The following DLGAP2 variants were observed in gnomAD, a reference collection of about 807,000 sequenced individuals.
The protein encoded by DLGAP2 is disks large-associated protein 2.
In DLGAP2, 26 loss-of-function variants were observed where a neutral mutation model predicts 100.3. The ratio of observed to expected loss-of-function variants is 0.26; its 90% CI spans 0.19 to 0.36. The LOEUF (loss-of-function observed/expected upper bound fraction) is 0.36, where lower values mean the gene tolerates loss of function less well. Among genes scored for constraint, DLGAP2 ranks in the 10% least tolerant of loss-of-function variants. The pLI, the probability that DLGAP2 is intolerant of heterozygous loss-of-function variation, is 1.00. For synonymous variants in DLGAP2, 886 were observed against 630.1 expected, an observed-to-expected ratio of 1.41 and a Z score of -6.08; for missense variants, 1,858 against 1,453.2, an observed-to-expected ratio of 1.28 and a Z score of -4.53.
At chr8:1,295,506 T>C (rs1324871674) in intron 3 of DLGAP2, among the ~76,000 whole-genome samples, 1 of 152,116 alleles carries the variant, frequency 6.6e-6, no homozygotes, top group Non-Finnish European at 1.5e-5. Flanking sequence ...TCCACCGTGA[T>C]CTGCTGGAGC....
At chr8:965,518 C>T (rs1196900215) in intron 2 of DLGAP2, among the ~76,000 whole-genome samples, 1 of 136,614 alleles carries the variant, frequency 7.3e-6, no homozygotes, top group Non-Finnish European at 1.6e-5. Context: ...AGTCTGACCC[C>T]TGCGCTGCAC....
At chr8:1,433,403 G>C (rs1021163882) in intron 3 of DLGAP2, among the ~76,000 whole-genome samples, 2 of 152,316 alleles carry the variant, frequency 1.3e-5, no homozygotes, top group South Asian at 4.1e-4. Context: ...CACCCGCTGC[G>C]GTGGCCAGGC....
intron 8 of DLGAP2, among the ~76,000 whole-genome samples, chr8:1,651,079 C>T (rs888682969): frequency 5.3e-5 from 8 of 152,112 alleles, no homozygotes; most frequent in Admixed American, 3.9e-4. Flanking sequence ...CTAACAGATA[C>T]GTGTATGCAC....
intron 2 of DLGAP2, among the ~76,000 whole-genome samples, chr8:1,022,525 G>A (rs1243830929): frequency 1.3e-4 from 16 of 122,474 alleles, no homozygotes; most frequent in South Asian, 1.1e-3. Context: ...CACTCCAGCC[G>A]CCACCCATCC....
At chr8:1,689,456 A>G (rs1799200583) in intron 12 of DLGAP2, among the ~76,000 whole-genome samples, 1 of 152,192 alleles carries the variant, frequency 6.6e-6, no homozygotes, top group African/African-American at 2.4e-5. Flanking sequence ...AAGGGGGCAA[A>G]TCTCCAGGAT....
intron 3 of DLGAP2, among the ~76,000 whole-genome samples, chr8:1,465,509 T>C (rs116776311): frequency 0.012 from 1,868 of 152,156 alleles, 48 homozygotes; most frequent in African/African-American, 0.043. Flanking sequence ...TTTGGTGGTT[T>C]ATTATAAAGG....
intron 2 of DLGAP2, among the ~76,000 whole-genome samples, chr8:1,164,695 G>T (rs564677925): frequency 6.6e-6 from 1 of 152,148 alleles, no homozygotes; most frequent in East Asian, 1.9e-4. Context: ...GATCTCCATC[G>T]TCAGTTCTGT....
intron 3 of DLGAP2, among the ~76,000 whole-genome samples, chr8:1,388,474 C>T (rs1796272324): frequency 1.6e-5 from 1 of 61,700 alleles, no homozygotes; most frequent in African/African-American, 7.7e-5. Flanking sequence ...TGAGGAAGCG[C>T]TGGTTCAAGT....
chr8:1,353,857 A>T (rs980989926), intron 3 of DLGAP2, among the ~76,000 whole-genome samples: 1 of 152,264 alleles, frequency 6.6e-6, no homozygotes, highest in South Asian at 2.1e-4. Context: ...TCTCAAATCA[A>T]TATGAAAAAT....
intron 6 of DLGAP2, among the ~76,000 whole-genome samples, chr8:1,567,588 G>A (rs750008029): frequency 5.3e-5 from 8 of 152,110 alleles, no homozygotes; most frequent in Non-Finnish European, 1.0e-4. Flanking sequence ...ACTGCCACGG[G>A]TCCCCCAGGA....
intron 1 of DLGAP2, among the ~76,000 whole-genome samples, chr8:903,451 C>A (rs978432923): frequency 2.0e-5 from 3 of 152,088 alleles, no homozygotes; most frequent in Non-Finnish European, 4.4e-5. Flanking sequence ...CCACAACAGG[C>A]CTGTGTATTT....
chr8:1,351,858 A>C (rs1434336457), intron 3 of DLGAP2, among the ~76,000 whole-genome samples: 1 of 85,216 alleles, frequency 1.2e-5, no homozygotes, highest in Non-Finnish European at 2.4e-5. Context: ...GTGCGTGGAA[A>C]GGCCGTGCAG....
intron 8 of DLGAP2, among the ~76,000 whole-genome samples, chr8:1,640,786 G>A (rs987773585): frequency 1.3e-5 from 2 of 152,174 alleles, no homozygotes; most frequent in African/African-American, 4.8e-5. Flanking sequence ...CCCGCATCTA[G>A]ACTTGTGTTT....
intron 3 of DLGAP2, among the ~76,000 whole-genome samples, chr8:1,388,720 A>G (rs1372613778): frequency 1.0e-4 from 8 of 76,378 alleles, no homozygotes; most frequent in South Asian, 5.6e-4. Flanking sequence ...GCCGTGGATG[A>G]GGAGGCGCTG....
In DLGAP2 at chr8:1,557,734, G is replaced by A. The variant is rs182598562; in HGVS notation, c.1231-7949G>A. Among the ~76,000 whole-genome samples, 424 of 152,276 alleles carry A rather than the reference G, an allele frequency of 2.8e-3. 3 individuals are homozygous for A. Among genetic ancestry groups the A allele is most frequent in the African/African-American group, 9.5e-3 (396 of 41,572 alleles). ...AGCCTCTCCTGGGCACGCAGACGCC[G>A]TCCTCTCCCCATGTCCTCATAGGGT... On this transcript the variant is annotated intron_variant, in intron 5 of 14. Transcript: ENST00000637795.
intron 2 of DLGAP2, among the ~76,000 whole-genome samples, chr8:915,099 G>A (rs192906439): frequency 5.3e-5 from 8 of 152,294 alleles, no homozygotes; most frequent in East Asian, 3.9e-4. Context: ...AGGATGGTTC[G>A]GGCAAAGCCT....
intron 3 of DLGAP2, among the ~76,000 whole-genome samples, chr8:1,288,252 T>C (rs1421688085): frequency 6.9e-6 from 1 of 144,232 alleles, no homozygotes; most frequent in Non-Finnish European, 1.5e-5. Context: ...TCAGTGTGTG[T>C]GTGTGTGGTT....
chr8:1,599,555 C>T (rs554879065), intron 6 of DLGAP2, among the ~76,000 whole-genome samples: 1 of 152,208 alleles, frequency 6.6e-6, no homozygotes, highest in South Asian at 2.1e-4. Context: ...GTATTGGGTG[C>T]TCCTGTATTG....
At position 1,549,448 on chromosome 8, in the gene DLGAP2, A is replaced by G. The variant is rs754214009; in HGVS notation, c.995A>G (p.Gln332Arg). 4 of 1,613,482 alleles carry G rather than the reference A, an allele frequency of 2.5e-6. No individual in the cohort carries two copies. The highest frequency in any genetic ancestry group is 1.1e-5 in the South Asian group (1 of 91,078). ...PVAHCYPDALQSPFGDLSLKT... is the reference protein window; with the variant it reads ...PVAHCYPDALRSPFGDLSLKT... Reference sequence around the variant, plus strand: ...GCCCACTGCTACCCCGACGCGCTGCAGAGCCCCTTCGGGGACCTGTCCCTC... The same window carrying G: ...GCCCACTGCTACCCCGACGCGCTGCGGAGCCCCTTCGGGGACCTGTCCCTC... The change falls in exon 5 of 15, where the codon CAG becomes CGG. Residue 332 changes from glutamine (Q) to arginine (R), a missense_variant. Transcript: ENST00000637795.
Sources: gnomAD v4.1 joint callset for allele counts (sites outside exome capture counted in the v4.1 genomes callset) on GRCh38, gnomAD v4.1.1 for gene constraint, MANE v1.5 for transcripts, NCBI Gene and HGNC (gene_info 2026-07-23, HGNC 2026-07-21) for gene names.